The following LRP4 variants were observed in gnomAD, a reference collection of about 807,000 sequenced individuals.
LRP4 encodes LDL receptor related protein 4.
Under a neutral mutation model 220.3 loss-of-function variants are expected in LRP4, and 95 were observed. That is an observed-to-expected ratio of 0.43 (90% CI 0.37 to 0.51). The LOEUF is 0.51. Ranked by LOEUF, LRP4 falls within the 20% of genes least tolerant of loss-of-function variation. The pLI, the probability that LRP4 is intolerant of heterozygous loss-of-function variation, is 0.00. For synonymous variants in LRP4, 903 were observed against 954.6 expected (o/e 0.95, Z 1.00); for missense variants, 1,925 against 2,567.0 (o/e 0.75, Z 5.40).
chr11:46,900,448 T>C (rs903576042), intron 2 of LRP4, 70 bp from the exon 3 acceptor site: 1 of 954,644 alleles, frequency 1.0e-6, no homozygotes, highest in South Asian at 1.3e-5. Context: ...CTAGGCCAGA[T>C]AGCCTTTTGC....
chr11:46,901,113 G>A (rs556033816), intron 2 of LRP4, among the ~76,000 whole-genome samples: 48 of 152,222 alleles, frequency 3.2e-4, no homozygotes, highest in African/African-American at 1.1e-3. Context: ...CTGTTTTATA[G>A]TCCTTCCTTA....
chr11:46,878,700 C>T (rs1941076636), intron 22 of LRP4, among the ~76,000 whole-genome samples: 1 of 152,176 alleles, frequency 6.6e-6, no homozygotes, highest in Non-Finnish European at 1.5e-5. Flanking sequence ...TAGTTGGACC[C>T]TGCCTCCAGT....
At chr11:46,888,008 C>T (rs559422879) in intron 16 of LRP4, among the ~76,000 whole-genome samples, 41 of 72,094 alleles carry the variant, frequency 5.7e-4, no homozygotes, top group African/African-American at 2.3e-3. Flanking sequence ...GAGCAAGACC[C>T]TGTCTCAAAA....
chr11:46,871,595 C>G lies in LRP4; in HGVS notation c.4622G>C (p.Ser1541Thr). The change falls in exon 31 of 38, where the codon AGT (serine) becomes ACT (threonine). Residue 1541 changes from serine (S) to threonine (T), a missense_variant. Transcript: ENST00000378623. ...CCGCAGTTTCCCATTGAGGTCAGCA[C>G]TCTCGATCCGGTCCAGATGCGCATC... Reference protein sequence around the residue: ...WVDAHLDRIESADLNGKLRQV... With the variant: ...WVDAHLDRIETADLNGKLRQV... 1 of 1,613,066 alleles carries G rather than the reference C, an allele frequency of 6.2e-7. No individual in the cohort carries two copies. Among genetic ancestry groups the G allele is most frequent in the Non-Finnish European group, 8.5e-7 (1 of 1,179,544 alleles).
intron 37 of LRP4, among the ~76,000 whole-genome samples, chr11:46,859,763 G>A (rs947836271): frequency 1.3e-5 from 2 of 152,306 alleles, no homozygotes; most frequent in East Asian, 1.9e-4. Flanking sequence ...ATGTTACATT[G>A]TTACTGTGGT....
Position 46,876,594 on chromosome 11 carries a change from C to G in LRP4, c.3408G>C (p.Arg1136=), listed in dbSNP as rs1159395289. The change falls in exon 25 of 38, where the codon CGG becomes CGC. Residue 1136 remains arginine (R), a synonymous_variant. Coordinates refer to ENST00000378623, the MANE Select transcript of LRP4 (RefSeq NM_002334.4). ...TTCCCGTGTCTGTCCAGTATACTTT[C>G]CGGCCAATGGCATCAACCGCGAGCC... ...TDGLAVDAIG[R]KVYWTDTGTN... 5.6e-6 allele frequency: 9 copies of G among 1,614,200 alleles called. No individual in the cohort carries two copies. The highest frequency in any genetic ancestry group is 6.8e-6 in the Non-Finnish European group (8 of 1,180,042).
chr11:46,864,058 G>A (rs568424414), intron 36 of LRP4, among the ~76,000 whole-genome samples: 1 of 152,214 alleles, frequency 6.6e-6, no homozygotes, highest in Non-Finnish European at 1.5e-5. Flanking sequence ...TGTAGTAAAA[G>A]GCTGTGTTTG....
intron 16 of LRP4, among the ~76,000 whole-genome samples, chr11:46,888,761 G>A (rs1241828674): frequency 6.6e-6 from 1 of 152,154 alleles, no homozygotes; most frequent in African/African-American, 2.4e-5. Flanking sequence ...CTGCTGATGT[G>A]TGAGGAATCA....
chr11:46,905,272 T>A (rs1476384614), intron 1 of LRP4, among the ~76,000 whole-genome samples: 1 of 152,196 alleles, frequency 6.6e-6, no homozygotes, highest in African/African-American at 2.4e-5. Context: ...ACTTCAGTAG[T>A]ATGACAGGCT....
At chr11:46,863,584 C>CAAAAAA (rs55744712) in intron 36 of LRP4, among the ~76,000 whole-genome samples, 2 of 54,150 alleles carry the variant, frequency 3.7e-5, no homozygotes, top group African/African-American at 1.2e-4. Flanking sequence ...ACTAAAAATA[C>CAAAAAA]AAAAAAAAAA....
In LRP4 at chr11:46,858,363, G is replaced by A. The variant is rs1940433001; in HGVS notation, c.*620C>T. ...CTGCTGAAAAGGCAGTGTCTCTTAG[G>A]GCAAGAATAATGTCCACTGCCAGCA... On this transcript the variant is annotated 3_prime_UTR_variant, in exon 38 of 38. Transcript: ENST00000378623. The A allele has an allele frequency of 6.0e-6, 1 of 166,550 alleles. No individual in the cohort carries two copies. Among genetic ancestry groups the A allele is most frequent in the South Asian group, 1.5e-4 (1 of 6,532 alleles). The allele number at this position is 166,550 out of a possible 1,614,324, so 10.3% of individuals were successfully genotyped here.
intron 32 of LRP4, 130 bp from the exon 33 acceptor site, chr11:46,868,843 C>A: frequency 7.8e-7 from 1 of 1,284,334 alleles, no homozygotes; most frequent in African/African-American, 1.5e-5. Flanking sequence ...GATACAACCG[C>A]GAGGGAGTAA....
intron 36 of LRP4, among the ~76,000 whole-genome samples, chr11:46,863,271 C>T (rs957635369): frequency 1.3e-5 from 2 of 152,142 alleles, no homozygotes; most frequent in Non-Finnish European, 2.9e-5. Context: ...TAAGCTGCAT[C>T]CAGATTTCTG....
chr11:46,885,705 C>T (rs1460961536), intron 18 of LRP4, among the ~76,000 whole-genome samples: 2 of 139,068 alleles, frequency 1.4e-5, no homozygotes, highest in African/African-American at 5.5e-5. Context: ...ACCCGGGAGG[C>T]GGAGCTTGCA....
Position 46,876,868 on chromosome 11 carries a change from C to T in LRP4, c.3278-38G>A, listed in dbSNP as rs371544346. On this transcript the variant is annotated intron_variant, in intron 23 of 37. Transcript: ENST00000378623. Reference sequence around the variant, plus strand: ...AGCTTGGCTCAACCTAGACCCTCACCGCCTACAATGGGACACACACAGCTG... The same window carrying T: ...AGCTTGGCTCAACCTAGACCCTCACTGCCTACAATGGGACACACACAGCTG... 149 of 1,480,314 alleles carry T rather than the reference C, an allele frequency of 1.0e-4. 1 individual carries two copies. The highest frequency in any genetic ancestry group is 4.1e-4 in the South Asian group (36 of 88,374). 91.7% of individuals were successfully genotyped at this position (1,480,314 alleles called of 1,614,324 possible).
chr11:46,873,656 C>T lies in LRP4; in HGVS notation c.4230-63G>A. On this transcript the variant is annotated intron_variant, in intron 28 of 37. Transcript: ENST00000378623. The surrounding 1 kb of genome is among the most constrained non-coding windows in gnomAD (Gnocchi z 4.2). The stretch of plus-strand genomic sequence containing the variant: ...GACCCAGAATAGAGTAGAACTTTAA[C>T]CCATGTTCCCATAACTGGACCCCAC... The T allele has an allele frequency of 7.3e-7, 1 of 1,367,784 alleles. No individual in the cohort carries two copies. Among genetic ancestry groups the T allele is most frequent in the Non-Finnish European group, 1.0e-6 (1 of 976,844 alleles). The allele number at this position is 1,367,784 out of a possible 1,614,324, so 84.7% of individuals were successfully genotyped here.
rs968983098 is a variant in LRP4 at position 46,898,506 on chromosome 11, C to T, written c.796+52G>A. 5 of 1,612,402 alleles carry T rather than the reference C, an allele frequency of 3.1e-6. No homozygotes were observed. The African/African-American group carries it at 4.0e-5, about 13-fold the overall frequency. On this transcript the variant is annotated intron_variant, in intron 7 of 37. Transcript: ENST00000378623. ...CAGCCGGTAGTGGCCTCTTTGGCTC[C>T]ACAAGCCTTCTCCTTAGTTCAAGCC... is the stretch of plus-strand genomic sequence containing the variant.
At position 46,874,823 on chromosome 11, in the gene LRP4, T is replaced by C; in HGVS notation, c.4206A>G (p.Thr1402=). The C allele has an allele frequency of 6.2e-7, 1 of 1,613,948 alleles. No homozygotes were observed. Among genetic ancestry groups the C allele is most frequent in the Non-Finnish European group, 8.5e-7 (1 of 1,179,810 alleles). The part of the protein sequence containing the change: ...YDSVDGKVYY[T]DVFLDVIRRA... ...ACCTGATAACATCCAGGAACACATC[T>C]GTGTAATAGACCTTTCCATCCACGC... The change falls in exon 28 of 38, where the codon ACA becomes ACG. Residue 1402 remains threonine (T), a synonymous_variant. Coordinates refer to ENST00000378623, the MANE Select transcript of LRP4 (RefSeq NM_002334.4).
chr11:46,862,335 A>C (rs1372152540), intron 37 of LRP4, among the ~76,000 whole-genome samples: 1 of 152,166 alleles, frequency 6.6e-6, no homozygotes, highest in African/African-American at 2.4e-5. Flanking sequence ...GCTTGGAAAA[A>C]TATCTCATGG....
Sources: allele counts gnomAD v4.1 joint callset (sites outside exome capture counted in the v4.1 genomes callset), GRCh38; gene constraint gnomAD v4.1.1; non-coding constraint Gnocchi (gnomAD v3.1); transcripts MANE v1.5; gene names NCBI Gene and HGNC (gene_info 2026-07-23, HGNC 2026-07-21).